The following SLC35F4 variants were observed in gnomAD, a reference collection of about 807,000 sequenced individuals.
SLC35F4 encodes chromosome 14 open reading frame 36.
Under a neutral mutation model 44.2 loss-of-function variants are expected in SLC35F4, and 24 were observed. That is an observed-to-expected ratio of 0.54 (90% CI 0.39 to 0.76). SLC35F4 has a LOEUF of 0.76. SLC35F4 is among the 30% of genes least tolerant of loss of function. SLC35F4 has a pLI of 0.00. For synonymous variants in SLC35F4, 238 were observed against 223.6 expected, an observed-to-expected ratio of 1.06 and a Z score of -0.57; for missense variants, 562 against 586.1, an observed-to-expected ratio of 0.96 and a Z score of 0.42.
At chr14:57,891,471 C>G (rs981394411) in intron 1 of SLC35F4, among the ~76,000 whole-genome samples, 2 of 151,934 alleles carry the variant, frequency 1.3e-5, no homozygotes, top group Non-Finnish European at 2.9e-5. Context: ...AGCAAGACCC[C>G]CAAATCTTAT....
At chr14:57,640,376 A>G (rs898227165) in intron 1 of SLC35F4, among the ~76,000 whole-genome samples, 5 of 152,122 alleles carry the variant, frequency 3.3e-5, no homozygotes, top group Admixed American at 3.3e-4. Flanking sequence ...TTAGAAAGGA[A>G]AAAGAAAATG....
In SLC35F4 at chr14:57,571,991, C is replaced by T; in HGVS notation, c.836G>A (p.Gly279Asp). 1 of 1,610,812 alleles carries T rather than the reference C, an allele frequency of 6.2e-7. No homozygotes were observed. Among genetic ancestry groups the T allele is most frequent in the South Asian group, 1.1e-5 (1 of 90,348 alleles). ...ATCTGCATATGCCATCATGACAATG[C>T]CGGTAATTGCCATTATTGCAGCAAC... The part of the protein sequence containing the change: ...RIVAAIMAIT[G>D]IVMMAYADNF... Residue 279 changes from glycine to aspartate, a missense_variant, in exon 5 of 8, where the codon GGC (glycine) becomes GAC (aspartate). Coordinates refer to ENST00000556826, the MANE Select transcript of SLC35F4 (RefSeq NM_001306087.2).
At chr14:57,683,908 ATAGGAG>A (rs930052278) in intron 1 of SLC35F4, among the ~76,000 whole-genome samples, 3 of 152,046 alleles carry the variant, frequency 2.0e-5, no homozygotes, top group Non-Finnish European at 4.4e-5. Flanking sequence ...ATGTTCCTAC[ATAGGAG>A]TGGCCATCTG....
intron 1 of SLC35F4, among the ~76,000 whole-genome samples, chr14:57,805,909 G>T (rs1229416674): frequency 1.3e-5 from 2 of 152,032 alleles, no homozygotes; most frequent in Non-Finnish European, 2.9e-5. Context: ...AAAAGAAAAG[G>T]CACTAGAAAA....
At chr14:57,968,712 G>T (rs992982311) in intron 1 of SLC35F4, among the ~76,000 whole-genome samples, 1 of 152,104 alleles carries the variant, frequency 6.6e-6, no homozygotes, top group South Asian at 2.1e-4. Flanking sequence ...AGCAGGGCGT[G>T]GGGGGTGTTC....
chr14:57,565,197 C>T (rs1038025843), intron 7 of SLC35F4, among the ~76,000 whole-genome samples: 5 of 152,184 alleles, frequency 3.3e-5, no homozygotes, highest in African/African-American at 1.2e-4. Flanking sequence ...TAAACATTTG[C>T]GTATGAGGAT....
rs67819924 is a variant in SLC35F4, at chr14:57,600,691, C to CAAAAAAA, written c.104-6574_104-6568dup. Among the ~76,000 whole-genome samples the CAAAAAAA allele has an allele frequency of 2.6e-3, 146 of 55,380 alleles. 12 individuals carry two copies. The highest frequency in any genetic ancestry group is 5.3e-3 in the South Asian group (6 of 1,122). The allele number at this position is 55,380 out of a possible 152,430, so 36.3% of individuals were successfully genotyped here. ...TGGGCGACAGAGCAAGACTCCATCT[C>CAAAAAAA]AAAAAAAAAAAAAAAAAAAAAAAAA... On this transcript the variant is annotated intron_variant, in intron 1 of 7. Coordinates refer to ENST00000556826, the MANE Select transcript of SLC35F4 (RefSeq NM_001306087.2).
chr14:57,939,334 T>C (rs1428956289), intron 1 of SLC35F4, among the ~76,000 whole-genome samples: 1 of 152,012 alleles, frequency 6.6e-6, no homozygotes, highest in Non-Finnish European at 1.5e-5. Context: ...CTAGATCAGC[T>C]GTAGAGAAGT....
intron 1 of SLC35F4, among the ~76,000 whole-genome samples, chr14:57,931,932 T>C (rs1210821574): frequency 1.3e-5 from 2 of 152,260 alleles, no homozygotes; most frequent in Non-Finnish European, 2.9e-5. Flanking sequence ...GCTGAACTAT[T>C]GTCTGCAGTG....
intron 1 of SLC35F4, among the ~76,000 whole-genome samples, chr14:57,692,236 G>A (rs1263160213): frequency 2.0e-5 from 3 of 152,088 alleles, no homozygotes; most frequent in Non-Finnish European, 2.9e-5. Flanking sequence ...CTTTTCTAAC[G>A]TACAGCTCAT....
At chr14:57,953,020 G>A (rs1261779756) in intron 1 of SLC35F4, among the ~76,000 whole-genome samples, 1 of 152,134 alleles carries the variant, frequency 6.6e-6, no homozygotes, top group Non-Finnish European at 1.5e-5. Context: ...AGGAAAAAAT[G>A]TTAAGGGGAG....
chr14:57,793,866 A>G (rs2077988334), intron 1 of SLC35F4, among the ~76,000 whole-genome samples: 1 of 152,110 alleles, frequency 6.6e-6, no homozygotes, highest in Non-Finnish European at 1.5e-5. Context: ...AAGCATTCAC[A>G]TAGACCAATA....
chr14:57,678,800 T>C (rs187603766), intron 1 of SLC35F4, among the ~76,000 whole-genome samples: 1 of 151,954 alleles, frequency 6.6e-6, no homozygotes, highest in Admixed American at 6.5e-5. Context: ...TAATGGTAAA[T>C]GGATCAATGC....
At chr14:57,853,634 C>G (rs1886792077) in intron 1 of SLC35F4, among the ~76,000 whole-genome samples, 1 of 152,186 alleles carries the variant, frequency 6.6e-6, no homozygotes, top group African/African-American at 2.4e-5. Context: ...CTCAATCTGT[C>G]TGCTCTCTTG....
intron 1 of SLC35F4, among the ~76,000 whole-genome samples, chr14:57,598,810 A>G (rs1443131562): frequency 1.3e-5 from 2 of 152,206 alleles, no homozygotes; most frequent in Non-Finnish European, 2.9e-5. Flanking sequence ...ACACCGCTAT[A>G]TAGATCTGGT....
intron 1 of SLC35F4, among the ~76,000 whole-genome samples, chr14:57,793,597 T>A (rs764808409): frequency 3.3e-5 from 5 of 152,150 alleles, no homozygotes. Flanking sequence ...TGAGTCATAT[T>A]TCATGGTATA....
intron 1 of SLC35F4, among the ~76,000 whole-genome samples, chr14:57,710,744 C>A (rs536063193): frequency 1.6e-3 from 236 of 152,198 alleles, no homozygotes; most frequent in Admixed American, 4.1e-3. Context: ...GAATTTTGGA[C>A]TCACATGGGT....
chr14:57,593,093 G>A (rs1228560856), intron 2 of SLC35F4, among the ~76,000 whole-genome samples: 2 of 152,208 alleles, frequency 1.3e-5, no homozygotes, highest in Non-Finnish European at 2.9e-5. Context: ...ATGGTAACTG[G>A]TAAACAAAAG....
At position 57,766,081 on chromosome 14, in the gene SLC35F4, T is replaced by A. The variant is rs1594999561; in HGVS notation, c.103+99642A>T. On this transcript the variant is annotated intron_variant, in intron 1 of 7. Coordinates refer to ENST00000556826, the MANE Select transcript of SLC35F4 (RefSeq NM_001306087.2). Reference sequence around the variant, plus strand: ...GCCCCAGCCAGGGTACAGCTCTTGATGAGTTAGTTGGGAGTAGAATGGGTT... The same window carrying A: ...GCCCCAGCCAGGGTACAGCTCTTGAAGAGTTAGTTGGGAGTAGAATGGGTT... Among the ~76,000 whole-genome samples, 4 of 152,220 alleles carry A rather than the reference T, an allele frequency of 2.6e-5. No homozygotes were observed. The South Asian group carries it at 8.3e-4, about 32-fold the overall frequency.
Sources: gnomAD v4.1 joint callset for allele counts (sites outside exome capture counted in the v4.1 genomes callset) on GRCh38, gnomAD v4.1.1 for gene constraint, MANE v1.5 for transcripts, NCBI Gene and HGNC (gene_info 2026-07-23, HGNC 2026-07-21) for gene names.